Variants in CELF2 observed in about 807,000 individuals in gnomAD.
CELF2 encodes CUG triplet repeat RNA-binding protein 2.
CELF2 carries 8 observed loss-of-function variants against 62.6 expected under a neutral mutation model. That is an observed-to-expected ratio of 0.13 (90% CI 0.07 to 0.23). The LOEUF (loss-of-function observed/expected upper bound fraction) is 0.23, where lower values mean the gene tolerates loss of function less well. Among genes scored for constraint, CELF2 ranks in the 10% least tolerant of loss-of-function variants. The probability of loss-of-function intolerance (pLI) is 1.00; values close to 1 mark genes in which losing one functional copy is unlikely to be tolerated. For missense variants in CELF2, 333 were observed against 671.0 expected (o/e 0.50, Z 5.56); for synonymous variants, 258 against 250.0 (o/e 1.03, Z -0.30).
chr10:11,278,807 C>G (rs924231820), intron 8 of CELF2, among the ~76,000 whole-genome samples: 19 of 152,196 alleles, frequency 1.2e-4, no homozygotes. Flanking sequence ...TCCCAAATAT[C>G]ACAACAACCT....
the CELF2 span, among the ~76,000 whole-genome samples, chr10:10,750,314 C>T: frequency 2.0e-5 from 3 of 151,686 alleles, no homozygotes; most frequent in African/African-American, 4.8e-5. Context: ...AGCAATGCCA[C>T]TAATTCTCCA....
the CELF2 span, among the ~76,000 whole-genome samples, chr10:10,725,500 G>A: frequency 3.3e-5 from 5 of 152,194 alleles, no homozygotes; most frequent in African/African-American, 4.8e-5. Context: ...GACTGCCAGA[G>A]AAAATCCCAA....
intron 2 of CELF2, among the ~76,000 whole-genome samples, chr10:10,992,235 C>G (rs1035492254): frequency 2.0e-5 from 3 of 152,192 alleles, no homozygotes; most frequent in African/African-American, 4.8e-5. Flanking sequence ...TTAGGTGGCT[C>G]TCTTTCAAAC....
chr10:10,698,679 C>G, the CELF2 span, among the ~76,000 whole-genome samples: 1 of 152,212 alleles, frequency 6.6e-6, no homozygotes, highest in Non-Finnish European at 1.5e-5. Flanking sequence ...TCCTCTCTCA[C>G]TTTACAGAAA....
At chr10:10,637,381 T>C in the CELF2 span, among the ~76,000 whole-genome samples, 4 of 152,166 alleles carry the variant, frequency 2.6e-5, no homozygotes, top group South Asian at 8.3e-4. Context: ...CTCAGGCCAC[T>C]GCAATTTGCT....
the CELF2 span, among the ~76,000 whole-genome samples, chr10:10,594,916 A>C: frequency 6.6e-6 from 1 of 152,168 alleles, no homozygotes; most frequent in Non-Finnish European, 1.5e-5. Context: ...TCACTAGAAG[A>C]ATTCATCTCT....
chr10:10,695,521 T>G, the CELF2 span, among the ~76,000 whole-genome samples: 2 of 151,164 alleles, frequency 1.3e-5, no homozygotes, highest in Non-Finnish European at 3.0e-5. Context: ...CTTTGTGGCG[T>G]TGTCTGTATT....
At chr10:10,684,571 C>T in the CELF2 span, among the ~76,000 whole-genome samples, 4,614 of 152,132 alleles carry the variant, frequency 0.03, 180 homozygotes, top group African/African-American at 0.092. Flanking sequence ...GATGTGACCC[C>T]CATCTCTACA....
chr10:11,198,763 G>A (rs140550616), intron 2 of CELF2, among the ~76,000 whole-genome samples: 61 of 152,276 alleles, frequency 4.0e-4, no homozygotes, highest in African/African-American at 1.1e-3. Flanking sequence ...AAGGAAAAGC[G>A]TTGTAGATTT....
intron 1 of CELF2, among the ~76,000 whole-genome samples, chr10:10,900,735 A>G (rs1591688811): frequency 1.3e-5 from 2 of 152,344 alleles, no homozygotes; most frequent in African/African-American, 4.8e-5. Context: ...AGAATGCAAT[A>G]CAAAAGTACA....
At chr10:11,078,269 G>A (rs899311070) in intron 1 of CELF2, among the ~76,000 whole-genome samples, 4 of 152,022 alleles carry the variant, frequency 2.6e-5, no homozygotes, top group Non-Finnish European at 5.9e-5. Context: ...CGGAATGTAT[G>A]CAATGGGAAA....
chr10:10,978,046 T>G (rs971238087), intron 2 of CELF2, among the ~76,000 whole-genome samples: 1 of 151,386 alleles, frequency 6.6e-6, no homozygotes, highest in East Asian at 1.9e-4. Context: ...TTTTTGTTTT[T>G]TTTTTTCCAG....
At chr10:11,131,521 A>G (rs2059620228) in intron 1 of CELF2, among the ~76,000 whole-genome samples, 1 of 152,234 alleles carries the variant, frequency 6.6e-6, no homozygotes, top group Non-Finnish European at 1.5e-5. Context: ...TAAGGTCCAA[A>G]GACACTAAAA....
chr10:11,019,423 G>A (rs1379554759), intron 1 of CELF2, among the ~76,000 whole-genome samples: 2 of 152,094 alleles, frequency 1.3e-5, no homozygotes, highest in South Asian at 2.1e-4. Context: ...GGCACCTTAT[G>A]GTACTCTGCA....
chr10:11,023,957 G>C (rs972524426), intron 1 of CELF2, among the ~76,000 whole-genome samples: 1 of 152,130 alleles, frequency 6.6e-6, no homozygotes, highest in South Asian at 2.1e-4. Flanking sequence ...TTCAGGTTTT[G>C]GTTAAATTTT....
chr10:11,276,191 G>A (rs1165745835), intron 8 of CELF2, among the ~76,000 whole-genome samples: 1 of 151,726 alleles, frequency 6.6e-6, no homozygotes, highest in Non-Finnish European at 1.5e-5. Context: ...AAACTTTCCA[G>A]GGGGCTTCTC....
chr10:10,861,964 G>C (rs2060068578), intron 1 of CELF2, among the ~76,000 whole-genome samples: 1 of 152,106 alleles, frequency 6.6e-6, no homozygotes, highest in African/African-American at 2.4e-5. Context: ...TATTCCCATT[G>C]TGTCCAGCTC....
the CELF2 span, among the ~76,000 whole-genome samples, chr10:10,638,765 C>T: frequency 1.3e-5 from 2 of 152,210 alleles, no homozygotes; most frequent in African/African-American, 4.8e-5. Context: ...AAGTTTTCTA[C>T]TCTTTTTAGA....
At position 11,214,505 on chromosome 10, in the gene CELF2, G is replaced by A. The variant is rs2062773917; in HGVS notation, c.272-2920G>A. Among the ~76,000 whole-genome samples, 1 of 152,164 alleles carries A rather than the reference G, an allele frequency of 6.6e-6. No individual in the cohort carries two copies. On this transcript the variant is annotated intron_variant, in intron 2 of 12. Transcript: ENST00000633077. This position sits in a 1 kb window ranked among gnomAD's most constrained non-coding sequence, Gnocchi z 4.2. ...GTGAATAGAGTAGAAATCCAGGCTGGGATGGGCTTATCAAGCCATGGACTG... is the reference window on the plus strand; with the variant it reads ...GTGAATAGAGTAGAAATCCAGGCTGAGATGGGCTTATCAAGCCATGGACTG...
Sources: allele counts gnomAD v4.1 joint callset (sites outside exome capture counted in the v4.1 genomes callset), GRCh38; gene constraint gnomAD v4.1.1; non-coding constraint Gnocchi (gnomAD v3.1); transcripts MANE v1.5; gene names NCBI Gene and HGNC (gene_info 2026-07-23, HGNC 2026-07-21).